The following MALRD1 variants were observed in gnomAD, a reference collection of about 807,000 sequenced individuals.
The protein encoded by MALRD1 is MAM and LDL-receptor class A domain-containing protein 1.
MALRD1 carries 247 observed loss-of-function variants against 242.1 expected under a neutral mutation model. That is an observed-to-expected ratio of 1.02 (90% CI 0.92 to 1.13). MALRD1 has a LOEUF of 1.13. MALRD1 is among the 50% of genes most tolerant of loss of function. The pLI is 0.00. For missense variants in MALRD1, 2,989 were observed against 2,533.1 expected (o/e 1.18, Z -3.86); for synonymous variants, 995 against 866.6 (o/e 1.15, Z -2.60).
intron 31 of MALRD1, among the ~76,000 whole-genome samples, chr10:19,520,794 A>C (rs1414170237): frequency 1.3e-5 from 2 of 152,136 alleles, no homozygotes; most frequent in Non-Finnish European, 2.9e-5. Flanking sequence ...ATATTTCTTC[A>C]GCTATTCACC....
chr10:19,610,484 A>G (rs919150261), intron 35 of MALRD1, among the ~76,000 whole-genome samples: 8 of 151,996 alleles, frequency 5.3e-5, no homozygotes, highest in African/African-American at 1.9e-4. Flanking sequence ...ATTTCAAGAT[A>G]AAGAGAATAA....
rs1413603598 is a variant in MALRD1 at position 19,595,411 on chromosome 10, C to T, written c.5898C>T (p.Cys1966=). ...TDECIPSLLL[C]DGVPDCHFNE... ...AGTGTATACCTTCCCTCCTGCTATG[C>T]GATGGAGTGCCCGACTGCCACTTTA... is the stretch of plus-strand genomic sequence containing the variant. The change falls in exon 34 of 40, where the codon TGC becomes TGT. Residue 1966 remains cysteine, a synonymous_variant. Coordinates refer to ENST00000454679, the MANE Select transcript of MALRD1 (RefSeq NM_001142308.3). 9.7e-6 allele frequency: 15 copies of T among 1,550,188 alleles called. No individual in the cohort carries two copies. The highest frequency in any genetic ancestry group is 2.4e-5 in the South Asian group (2 of 84,060).
At chr10:19,638,204 G>A (rs1048486929) in intron 36 of MALRD1, among the ~76,000 whole-genome samples, 1 of 150,898 alleles carries the variant, frequency 6.6e-6, no homozygotes, top group Non-Finnish European at 1.5e-5. Flanking sequence ...TATAAGGTAA[G>A]TATCTAAGCA....
At chr10:19,293,680 C>G (rs1232133316) in intron 21 of MALRD1, among the ~76,000 whole-genome samples, 1 of 152,098 alleles carries the variant, frequency 6.6e-6, no homozygotes. Flanking sequence ...TGTATGCTCT[C>G]ACTTATAAGT....
intron 33 of MALRD1, among the ~76,000 whole-genome samples, chr10:19,573,259 G>A (rs2131480121): frequency 6.6e-6 from 1 of 152,222 alleles, no homozygotes; most frequent in South Asian, 2.1e-4. Flanking sequence ...AGCCATTAAG[G>A]CTCAGACTCA....
At chr10:19,620,601 A>G (rs1839358655) in intron 36 of MALRD1, among the ~76,000 whole-genome samples, 2 of 152,020 alleles carry the variant, frequency 1.3e-5, no homozygotes, top group Non-Finnish European at 2.9e-5. Context: ...TAAAGGGACT[A>G]TGAAATTTTT....
rs2131440282 is a variant in MALRD1, at chr10:19,146,264, C to T, written c.1478C>T (p.Ser493Leu). The T allele has an allele frequency of 8.1e-7, 1 of 1,231,592 alleles. No individual in the cohort carries two copies. Among genetic ancestry groups the T allele is most frequent in the East Asian group, 3.2e-5 (1 of 31,696 alleles). The allele number at this position is 1,231,592 out of a possible 1,614,324, so 76.3% of individuals were successfully genotyped here. A position where few individuals can be genotyped will look rare whatever the true frequency, so the allele number is the denominator to read the frequency against. ...TGGGAGCCATTTCTCACAGAAGATT[C>T]ACACTGGAAGCTGATGAAAGGATTG... The part of the protein sequence containing the change: ...CGWEPFLTED[S>L]HWKLMKGLNN... The change falls in exon 11 of 40, where the codon TCA (serine) becomes TTA (leucine). Residue 493 changes from serine to leucine, a missense_variant. Transcript: ENST00000454679.
At chr10:19,621,005 A>G (rs1360313713) in intron 36 of MALRD1, among the ~76,000 whole-genome samples, 1 of 151,844 alleles carries the variant, frequency 6.6e-6, no homozygotes, top group East Asian at 1.9e-4. Context: ...CCAAAAAAAA[A>G]AAAAGTCATC....
intron 21 of MALRD1, among the ~76,000 whole-genome samples, chr10:19,309,660 G>T (rs936354436): frequency 6.6e-6 from 1 of 151,488 alleles, no homozygotes; most frequent in African/African-American, 2.4e-5. Flanking sequence ...GAACTAGCTG[G>T]TTAAAAGTAT....
At chr10:19,389,375 C>A in intron 27 of MALRD1, 77 bp from the exon 28 acceptor site, 2 of 1,424,116 alleles carry the variant, frequency 1.4e-6, no homozygotes, top group Non-Finnish European at 9.7e-7. Flanking sequence ...AATTAAAGAC[C>A]CTAACTATGA....
At chr10:19,716,206 A>G (rs910646361) in intron 38 of MALRD1, among the ~76,000 whole-genome samples, 1 of 152,182 alleles carries the variant, frequency 6.6e-6, no homozygotes, top group Non-Finnish European at 1.5e-5. Flanking sequence ...TTTTAAAAGG[A>G]GGTGGTATGG....
At chr10:19,165,260 T>TTG (rs1834631274) in intron 12 of MALRD1, among the ~76,000 whole-genome samples, 1 of 84,732 alleles carries the variant, frequency 1.2e-5, no homozygotes, top group Admixed American at 1.5e-4. Flanking sequence ...TATATATATA[T>TTG]ATATATTTTG....
intron 2 of MALRD1, among the ~76,000 whole-genome samples, chr10:19,069,747 A>G (rs1459763643): frequency 1.4e-5 from 2 of 147,320 alleles, no homozygotes; most frequent in East Asian, 4.2e-4. Context: ...TGATATCCAC[A>G]ATTTCTTTTT....
intron 36 of MALRD1, among the ~76,000 whole-genome samples, chr10:19,646,243 C>T (rs973260124): frequency 4.6e-5 from 7 of 152,268 alleles, no homozygotes; most frequent in Middle Eastern, 3.4e-3. Context: ...AAACTCTCTA[C>T]ACTGTCTGAT....
chr10:19,145,475 C>G (rs1168795138), intron 10 of MALRD1, among the ~76,000 whole-genome samples: 6 of 151,900 alleles, frequency 3.9e-5, no homozygotes. Context: ...GAAACACTGT[C>G]TCTCCTAAAA....
Position 19,238,462 on chromosome 10 carries a change from TAATATAA to T in MALRD1, c.2992-19221_2992-19215del, listed in dbSNP as rs1838546222. ...TATAATATACATTATATATAATATA[TAATATAA>T]TATATAATATACATTATATATAATA... On this transcript the variant is annotated intron_variant, in intron 18 of 39. Coordinates refer to ENST00000454679, the MANE Select transcript of MALRD1 (RefSeq NM_001142308.3). Among the ~76,000 whole-genome samples, 3 of 34,896 alleles carry T rather than the reference TAATATAA, an allele frequency of 8.6e-5. No individual in the cohort carries two copies. In the South Asian group the frequency reaches 2.3e-3, roughly 27 times the overall value. The allele number at this position is 34,896 out of a possible 152,430, so 22.9% of individuals were successfully genotyped here. A position where few individuals can be genotyped will look rare whatever the true frequency, so the allele number is the denominator to read the frequency against.
chr10:19,380,131 T>C (rs1436630444), intron 26 of MALRD1, among the ~76,000 whole-genome samples: 3 of 151,686 alleles, frequency 2.0e-5, no homozygotes, highest in African/African-American at 7.3e-5. Context: ...TGCACCACCA[T>C]GCCTGGCTAA....
At chr10:19,703,678 T>C (rs978168980) in intron 38 of MALRD1, among the ~76,000 whole-genome samples, 1 of 152,156 alleles carries the variant, frequency 6.6e-6, no homozygotes, top group Admixed American at 6.6e-5. Context: ...GTGGATCACT[T>C]GAGGTCAGGA....
intron 18 of MALRD1, among the ~76,000 whole-genome samples, chr10:19,241,310 T>A (rs1838761673): frequency 6.6e-6 from 1 of 152,138 alleles, no homozygotes; most frequent in African/African-American, 2.4e-5. Flanking sequence ...TTGGTAGTTG[T>A]ATGTGTGCAG....
Sources: gnomAD v4.1 joint callset for allele counts (sites outside exome capture counted in the v4.1 genomes callset) on GRCh38, gnomAD v4.1.1 for gene constraint, MANE v1.5 for transcripts, NCBI Gene and HGNC (gene_info 2026-07-23, HGNC 2026-07-21) for gene names.